Variants in AHCYL2 observed in about 807,000 individuals in gnomAD.
AHCYL2 encodes adenosylhomocysteinase like 2.
AHCYL2 carries 28 observed loss-of-function variants against 81.4 expected under a neutral mutation model. The ratio of observed to expected loss-of-function variants is 0.34; its 90% CI spans 0.25 to 0.47. The LOEUF is 0.47. Ranked by LOEUF, AHCYL2 falls within the 20% of genes least tolerant of loss-of-function variation. AHCYL2 has a pLI of 1.00. For synonymous variants in AHCYL2, 272 were observed against 290.2 expected, an observed-to-expected ratio of 0.94 and a Z score of 0.64; for missense variants, 551 against 785.1, an observed-to-expected ratio of 0.70 and a Z score of 3.56.
intron 1 of AHCYL2, among the ~76,000 whole-genome samples, chr7:129,260,076 CAAA>C (rs35687709): frequency 7.0e-3 from 472 of 67,660 alleles, no homozygotes; most frequent in African/African-American, 0.026. Flanking sequence ...AACTCCATCT[CAAA>C]AAAAAAAAAA....
At position 129,345,708 on chromosome 7, in the gene AHCYL2, G is replaced by A. The variant is rs143616231; in HGVS notation, c.364-33930G>A. Among the ~76,000 whole-genome samples, 793 of 152,246 alleles carry A rather than the reference G, an allele frequency of 5.2e-3. 10 individuals carry two copies. Among genetic ancestry groups the A allele is most frequent in the African/African-American group, 0.018 (765 of 41,540 alleles). On this transcript the variant is annotated intron_variant, in intron 1 of 16. Transcript: ENST00000325006. The stretch of plus-strand genomic sequence containing the variant: ...AAAATGAAACTGGGAAAGAGTTCAT[G>A]AATAGGAAGACAATGATAGGATCAT...
chr7:129,322,034 C>T (rs1049986584), intron 1 of AHCYL2, among the ~76,000 whole-genome samples: 1 of 151,682 alleles, frequency 6.6e-6, no homozygotes, highest in African/African-American at 2.4e-5. Context: ...CCTTGGCCCC[C>T]CAAAGTGCTG....
chr7:129,387,730 G>A (rs549606752), intron 2 of AHCYL2, among the ~76,000 whole-genome samples: 1 of 152,108 alleles, frequency 6.6e-6, no homozygotes, highest in Non-Finnish European at 1.5e-5. Context: ...AAAGTACTTT[G>A]AGCTTTCACT....
chr7:129,290,972 C>A (rs1796830494), intron 1 of AHCYL2, among the ~76,000 whole-genome samples: 1 of 151,192 alleles, frequency 6.6e-6, no homozygotes. Flanking sequence ...TATTTAATTG[C>A]CATTTGTTAA....
chr7:129,336,321 G>T lies in AHCYL2; in HGVS notation c.364-43317G>T, dbSNP rs1316943997. ...GACCTCGAGTGATCCACCTGCCTCG[G>T]CCTCCCAAAGTACTGGGATTACAGG... On this transcript the variant is annotated intron_variant, in intron 1 of 16. Transcript: ENST00000325006. Among the ~76,000 whole-genome samples the T allele has an allele frequency of 2.0e-5, 3 of 151,956 alleles. No homozygotes were observed. In the East Asian group the frequency reaches 5.8e-4, roughly 29 times the overall value.
intron 13 of AHCYL2, among the ~76,000 whole-genome samples, chr7:129,424,036 CA>C (rs1176773005): frequency 1.3e-5 from 2 of 151,890 alleles, no homozygotes; most frequent in Non-Finnish European, 2.9e-5. Flanking sequence ...GATGGTTGAG[CA>C]AAAAGGTGGT....
intron 1 of AHCYL2, among the ~76,000 whole-genome samples, chr7:129,352,162 CT>C (rs1178580855): frequency 1.3e-5 from 2 of 151,900 alleles, no homozygotes; most frequent in African/African-American, 4.8e-5. Context: ...CACTAGGCTC[CT>C]TTTTTTAATC....
intron 1 of AHCYL2, among the ~76,000 whole-genome samples, chr7:129,348,397 C>G (rs1219572639): frequency 1.3e-5 from 2 of 149,482 alleles, no homozygotes; most frequent in African/African-American, 4.9e-5. Flanking sequence ...ACAATAACCC[C>G]CCCCCCACAC....
chr7:129,408,784 T>C (rs138052727), intron 10 of AHCYL2, among the ~76,000 whole-genome samples: 5 of 152,092 alleles, frequency 3.3e-5, no homozygotes, highest in African/African-American at 7.2e-5. Flanking sequence ...TATCCAAAGG[T>C]TGGCTGAAGT....
chr7:129,307,673 G>T (rs946018372), intron 1 of AHCYL2, among the ~76,000 whole-genome samples: 2 of 151,630 alleles, frequency 1.3e-5, no homozygotes, highest in South Asian at 2.1e-4. Context: ...CAAGCAGAAG[G>T]ATTCTCTCCT....
chr7:129,355,117 T>C (rs961610240), intron 1 of AHCYL2, among the ~76,000 whole-genome samples: 1 of 152,200 alleles, frequency 6.6e-6, no homozygotes, highest in African/African-American at 2.4e-5. Context: ...CCTACAGAGC[T>C]GAGGTCAAAC....
intron 1 of AHCYL2, among the ~76,000 whole-genome samples, chr7:129,315,796 GA>G (rs35180865): frequency 9.2e-5 from 14 of 152,132 alleles, no homozygotes; most frequent in Non-Finnish European, 1.3e-4. Flanking sequence ...GTTTAACAGG[GA>G]AAAAATCTTA....
intron 2 of AHCYL2, among the ~76,000 whole-genome samples, chr7:129,382,155 G>A (rs1189807223): frequency 6.6e-6 from 1 of 152,200 alleles, no homozygotes; most frequent in Non-Finnish European, 1.5e-5. Context: ...ACAATGGAAA[G>A]TTATATACAA....
intron 1 of AHCYL2, among the ~76,000 whole-genome samples, chr7:129,236,478 G>C (rs1322980819): frequency 1.3e-5 from 2 of 151,964 alleles, no homozygotes; most frequent in African/African-American, 4.8e-5. Context: ...TGGGATTATA[G>C]GTGTGAGCCA....
At chr7:129,327,406 C>T (rs1798261385) in intron 1 of AHCYL2, among the ~76,000 whole-genome samples, 1 of 152,132 alleles carries the variant, frequency 6.6e-6, no homozygotes, top group Non-Finnish European at 1.5e-5. Flanking sequence ...GGTTAATCCA[C>T]CTAGTCTGTG....
intron 1 of AHCYL2, among the ~76,000 whole-genome samples, chr7:129,364,186 T>A (rs575140964): frequency 1.3e-5 from 2 of 152,284 alleles, no homozygotes; most frequent in South Asian, 4.1e-4. Context: ...AATGATCACA[T>A]CACTGCACCT....
intron 1 of AHCYL2, among the ~76,000 whole-genome samples, chr7:129,322,427 G>A (rs1158024466): frequency 2.7e-5 from 4 of 150,832 alleles, no homozygotes; most frequent in Admixed American, 6.6e-5. Context: ...GGCGCACTGC[G>A]CCCAGCCAGG....
Position 129,370,334 on chromosome 7 carries a change from T to G in AHCYL2, c.364-9304T>G, listed in dbSNP as rs138347288. Reference sequence around the variant, plus strand: ...GATATGATCTAGGGCTTCCCAGCTTTTAGAAAACACTCTTTATTTAATAAA... The same window carrying G: ...GATATGATCTAGGGCTTCCCAGCTTGTAGAAAACACTCTTTATTTAATAAA... On this transcript the variant is annotated intron_variant, in intron 1 of 16. Transcript: ENST00000325006. 9.7e-4 allele frequency among the ~76,000 whole-genome samples: 148 copies of G among 152,290 alleles called. 3 individuals carry two copies. The East Asian group carries it at 0.024, about 25-fold the overall frequency.
At chr7:129,398,801 A>G (rs1460044057) in intron 5 of AHCYL2, among the ~76,000 whole-genome samples, 1 of 152,128 alleles carries the variant, frequency 6.6e-6, no homozygotes. Context: ...TATATAAATA[A>G]TGATGATACA....
Sources: allele counts gnomAD v4.1 joint callset (sites outside exome capture counted in the v4.1 genomes callset), GRCh38; gene constraint gnomAD v4.1.1; transcripts MANE v1.5; gene names NCBI Gene and HGNC (gene_info 2026-07-23, HGNC 2026-07-21).